The following KIAA0930 variants were observed in gnomAD, a reference collection of about 807,000 sequenced individuals.
KIAA0930 encodes KIAA0930.
Under a neutral mutation model 43.9 loss-of-function variants are expected in KIAA0930, and 24 were observed. The ratio of observed to expected loss-of-function variants is 0.55; its 90% CI spans 0.40 to 0.77. The LOEUF (loss-of-function observed/expected upper bound fraction) is 0.77, where lower values mean the gene tolerates loss of function less well. Ranked by LOEUF, KIAA0930 falls within the 30% of genes least tolerant of loss-of-function variation. The pLI, the probability that KIAA0930 is intolerant of heterozygous loss-of-function variation, is 0.00. For synonymous variants in KIAA0930, 259 were observed against 216.4 expected (o/e 1.20, Z -1.73); for missense variants, 461 against 574.2 (o/e 0.80, Z 2.02).
intron 1 of KIAA0930, among the ~76,000 whole-genome samples, chr22:45,230,802 G>A (rs561398074): frequency 2.0e-5 from 3 of 151,828 alleles, no homozygotes; most frequent in South Asian, 4.2e-4. Context: ...GGCTGGTCTC[G>A]AGCTCCTGAC....
In KIAA0930 at chr22:45,240,644, G is replaced by A. The variant is rs1186436456; in HGVS notation, c.60C>T (p.Gly20=). ...GRLSLRREVC[G]LGCFKDDRIV... ...TCGCCCCCGGGTCCCACTCACCGAG[G>A]CCGCAGACCTCGCGGCGCAGGCTAA... is the stretch of plus-strand genomic sequence containing the variant. Residue 20 remains glycine, a synonymous_variant, in exon 1 of 10, where the codon GGC becomes GGT. Coordinates refer to ENST00000336156, the MANE Select transcript of KIAA0930 (RefSeq NM_001009880.2). 1.3e-6 allele frequency: 2 copies of A among 1,526,534 alleles called. No individual in the cohort carries two copies. The highest frequency in any genetic ancestry group is 5.0e-5 in the East Asian group (2 of 40,080). 94.6% of individuals were successfully genotyped at this position (1,526,534 alleles called of 1,614,324 possible).
chr22:45,237,827 C>T (rs1307355479), intron 1 of KIAA0930, among the ~76,000 whole-genome samples: 1 of 152,242 alleles, frequency 6.6e-6, no homozygotes, highest in Non-Finnish European at 1.5e-5. Context: ...TCAGGACTCA[C>T]ACCTGAGAGG....
Position 45,202,983 on chromosome 22 carries a change from C to T in KIAA0930, c.852+7G>A, listed in dbSNP as rs368028093. The T allele has an allele frequency of 1.1e-5, 18 of 1,601,278 alleles. No individual in the cohort carries two copies. In the Middle Eastern group the frequency reaches 5.0e-4, roughly 44 times the overall value. On this transcript the variant is annotated splice_region_variant and intron_variant, in intron 7 of 9. Transcript: ENST00000336156. ...GGAGCCCCCGCCCCCAGCTGTGCAG[C>T]CCTTACCCGCTCGTGCATGGGCGAA... is the stretch of plus-strand genomic sequence containing the variant.
chr22:45,211,699 C>CG (rs2083694995), intron 2 of KIAA0930, among the ~76,000 whole-genome samples: 1 of 152,204 alleles, frequency 6.6e-6, no homozygotes, highest in African/African-American at 2.4e-5. Flanking sequence ...TTCCTCAAAG[C>CG]TACGACGGTG....
At position 45,197,432 on chromosome 22, in the gene KIAA0930, G is replaced by C. The variant is rs977500394; in HGVS notation, c.1175-216C>G. Among the ~76,000 whole-genome samples the C allele has an allele frequency of 2.0e-5, 3 of 152,212 alleles. No homozygotes were observed. The South Asian group carries it at 6.2e-4, about 31-fold the overall frequency. On this transcript the variant is annotated intron_variant, in intron 9 of 9. Transcript: ENST00000336156. ...CAACGGCACACCCTGCAGGGCCTCA[G>C]GTGCAAGCTGGTGTGGGGGCCAGAG...
chr22:45,218,739 A>C (rs2083748995), intron 1 of KIAA0930, among the ~76,000 whole-genome samples: 1 of 152,108 alleles, frequency 6.6e-6, no homozygotes, highest in African/African-American at 2.4e-5. Flanking sequence ...TCTCCCAGCT[A>C]TGTTACAAAT....
chr22:45,205,453 GA>G lies in KIAA0930; in HGVS notation c.415-136del. 3 of 917,308 alleles carry G rather than the reference GA, an allele frequency of 3.3e-6. No individual in the cohort carries two copies. The South Asian group carries it at 4.5e-5, about 14-fold the overall frequency. The allele number at this position is 917,308 out of a possible 1,614,324, so 56.8% of individuals were successfully genotyped here. On this transcript the variant is annotated intron_variant, in intron 4 of 9. Coordinates refer to ENST00000336156, the MANE Select transcript of KIAA0930 (RefSeq NM_001009880.2). ...CAGAGACCTACCAGGAGATGTGGGG[GA>G]TAAGCTGGTTCTGTGCTCCTCGAAT...
intron 1 of KIAA0930, among the ~76,000 whole-genome samples, chr22:45,224,419 T>TACCAC (rs1251847011): frequency 6.6e-6 from 1 of 152,062 alleles, no homozygotes; most frequent in Non-Finnish European, 1.5e-5. Flanking sequence ...CCAGGCGTGG[T>TACCAC]GCTCAACACT....
At chr22:45,239,988 A>T (rs2083907057) in intron 1 of KIAA0930, among the ~76,000 whole-genome samples, 1 of 151,338 alleles carries the variant, frequency 6.6e-6, no homozygotes, top group South Asian at 2.1e-4. Context: ...AATACGAGGC[A>T]CCCCCATCCC....
At chr22:45,199,484 C>T (rs2083567246) in intron 8 of KIAA0930, among the ~76,000 whole-genome samples, 1 of 152,178 alleles carries the variant, frequency 6.6e-6, no homozygotes, top group Non-Finnish European at 1.5e-5. Context: ...CCCAAGGCAG[C>T]GCAAGGGAGG....
At position 45,200,706 on chromosome 22, in the gene KIAA0930, C is replaced by A. The variant is rs116185906; in HGVS notation, c.853-671G>T. Among the ~76,000 whole-genome samples, 1,413 of 152,354 alleles carry A rather than the reference C, an allele frequency of 9.3e-3. 24 individuals carry two copies. The highest frequency in any genetic ancestry group is 0.032 in the African/African-American group (1,342 of 41,578). ...ACATTCACACCCACTCAGGGCCAGG[C>A]AGGCACAGCACTAAGGACAGACAGG... On this transcript the variant is annotated intron_variant, in intron 7 of 9. Transcript: ENST00000336156.
chr22:45,219,359 C>G (rs1199033641), intron 1 of KIAA0930, among the ~76,000 whole-genome samples: 1 of 152,184 alleles, frequency 6.6e-6, no homozygotes, highest in Non-Finnish European at 1.5e-5. Context: ...TAACCAGACC[C>G]TGGGAATAAT....
In KIAA0930 at chr22:45,238,050, A is replaced by G. The variant is rs112714029; in HGVS notation, c.64+2590T>C. ...ATTCTCTTGTCTCAGCCTCCTGAGT[A>G]GCTGCGACTATAGGCGCCCGCCACC... On this transcript the variant is annotated intron_variant, in intron 1 of 9. Transcript: ENST00000336156. Among the ~76,000 whole-genome samples the G allele has an allele frequency of 5.8e-3, 878 of 151,632 alleles. 4 individuals are homozygous for G. The highest frequency in any genetic ancestry group is 0.019 in the African/African-American group (803 of 41,296).
At position 45,192,881 on chromosome 22, in the gene KIAA0930, T is replaced by TC. The variant is rs1483709711; in HGVS notation, c.*4294dup. 6.6e-6 allele frequency: 1 copy of TC among 151,840 alleles called. No homozygotes were observed. The highest frequency in any genetic ancestry group is 1.9e-4 in the East Asian group (1 of 5,172). The allele number at this position is 151,840 out of a possible 1,614,324, so 9.4% of individuals were successfully genotyped here. A position where few individuals can be genotyped will look rare whatever the true frequency, so the allele number is the denominator to read the frequency against. On this transcript the variant is annotated 3_prime_UTR_variant, in exon 10 of 10. Transcript: ENST00000336156. The stretch of plus-strand genomic sequence containing the variant: ...AGGGCTCGGAGAAGGGGCTCAGGGG[T>TC]CCTTTTGCCACTGAGGATCAAGCCA...
intron 8 of KIAA0930, among the ~76,000 whole-genome samples, chr22:45,199,413 C>A (rs1411169766): frequency 6.6e-6 from 1 of 152,146 alleles, no homozygotes; most frequent in African/African-American, 2.4e-5. Context: ...CCAAAGAGCA[C>A]GTGGTTCTGG....
At position 45,216,290 on chromosome 22, in the gene KIAA0930, T is replaced by C. The variant is rs567337736; in HGVS notation, c.65-4183A>G. ...AGCCAACCTCTCTGACCCTCAGTGG[T>C]TCTACCTGTCAGATGGGTCTCTAAC... On this transcript the variant is annotated intron_variant, in intron 1 of 9. Transcript: ENST00000336156. 3.0e-4 allele frequency among the ~76,000 whole-genome samples: 45 copies of C among 152,248 alleles called. 1 individual carries two copies. The South Asian group carries it at 9.0e-3, about 30-fold the overall frequency.
chr22:45,226,330 G>C (rs2083800326), intron 1 of KIAA0930: 1 of 471,116 alleles, frequency 2.1e-6, no homozygotes, highest in Non-Finnish European at 4.4e-6. Context: ...TCGTGGGGTT[G>C]GGCTTCGTAT....
chr22:45,229,503 C>T (rs1601826058), intron 1 of KIAA0930, among the ~76,000 whole-genome samples: 3 of 152,202 alleles, frequency 2.0e-5, no homozygotes, highest in African/African-American at 4.8e-5. Context: ...GAGCCACACA[C>T]GAGGGACTAC....
Position 45,199,832 on chromosome 22 carries a change from T to C in KIAA0930, c.1015+41A>G, listed in dbSNP as rs773948021. 21 of 1,476,124 alleles carry C rather than the reference T, an allele frequency of 1.4e-5. No homozygotes were observed. In the African/African-American group the frequency reaches 2.6e-4, roughly 18 times the overall value. 91.4% of individuals were successfully genotyped at this position (1,476,124 alleles called of 1,614,324 possible). On this transcript the variant is annotated intron_variant, in intron 8 of 9. Transcript: ENST00000336156. ...TGACTGGTCTGGATCAAGAAGAGAC[T>C]GAAGGGCACGGGGACCCTAGGGCAC...
Sources: gnomAD v4.1 joint callset for allele counts (sites outside exome capture counted in the v4.1 genomes callset) on GRCh38, gnomAD v4.1.1 for gene constraint, MANE v1.5 for transcripts, NCBI Gene and HGNC (gene_info 2026-07-23, HGNC 2026-07-21) for gene names.